Variants in KIF13A observed in about 807,000 individuals in gnomAD.
KIF13A encodes kinesin-like protein KIF13A.
In KIF13A, 79 loss-of-function variants were observed where a neutral mutation model predicts 212.2. The observed-to-expected ratio is 0.37, with a 90% CI of 0.31 to 0.45. The LOEUF (loss-of-function observed/expected upper bound fraction) is 0.45, where lower values mean the gene tolerates loss of function less well. Ranked by LOEUF, KIF13A falls within the 20% of genes least tolerant of loss-of-function variation. The probability of loss-of-function intolerance (pLI) is 1.00; values close to 1 mark genes in which losing one functional copy is unlikely to be tolerated. For synonymous variants in KIF13A, 789 were observed against 808.6 expected (o/e 0.98, Z 0.41); for missense variants, 1,901 against 2,209.0 (o/e 0.86, Z 2.79).
intron 2 of KIF13A, among the ~76,000 whole-genome samples, chr6:17,975,478 G>A (rs12199032): frequency 0.096 from 14,665 of 152,026 alleles, 894 homozygotes; most frequent in East Asian, 0.18. Context: ...AGCGGTGAGC[G>A]TTACAGCTTA....
chr6:17,832,255 G>A (rs140144049), intron 12 of KIF13A, among the ~76,000 whole-genome samples: 149 of 152,214 alleles, frequency 9.8e-4, no homozygotes, highest in African/African-American at 3.2e-3. Context: ...CCGAGAATTA[G>A]TCCTTCCTTT....
chr6:17,953,944 C>T (rs2150575254), intron 2 of KIF13A: 1 of 174,288 alleles, frequency 5.7e-6, no homozygotes, highest in African/African-American at 2.4e-5. Context: ...AAGAAATGAA[C>T]AAATAAAAAA....
intron 3 of KIF13A, chr6:17,882,225 C>T (rs1581626378): frequency 2.7e-6 from 1 of 366,490 alleles, no homozygotes; most frequent in South Asian, 2.0e-5. Context: ...AATAAACTAA[C>T]ACCCACTTGT....
chr6:17,819,504 G>C (rs1397264854), intron 16 of KIF13A, among the ~76,000 whole-genome samples: 2 of 152,086 alleles, frequency 1.3e-5, no homozygotes, highest in Non-Finnish European at 2.9e-5. Context: ...GGAGGTTGTA[G>C]TGAGCTGAGA....
At chr6:17,976,072 T>TA (rs1780419130) in intron 2 of KIF13A, among the ~76,000 whole-genome samples, 1 of 152,262 alleles carries the variant, frequency 6.6e-6, no homozygotes, top group Non-Finnish European at 1.5e-5. Context: ...TTACAGTCCC[T>TA]GAGCTAGACA....
chr6:17,889,399 C>T (rs1019714023), intron 3 of KIF13A, among the ~76,000 whole-genome samples: 3 of 151,978 alleles, frequency 2.0e-5, no homozygotes, highest in African/African-American at 4.8e-5. Context: ...CAAAAAACAC[C>T]GAAAGTGAAT....
chr6:17,900,904 C>A lies in KIF13A; in HGVS notation c.147-2724G>T, dbSNP rs988425766. Among the ~76,000 whole-genome samples the A allele has an allele frequency of 2.6e-5, 4 of 151,854 alleles. No homozygotes were observed. Among genetic ancestry groups the A allele is most frequent in the South Asian group, 2.1e-4 (1 of 4,816 alleles). On this transcript the variant is annotated intron_variant, in intron 2 of 38. Coordinates refer to ENST00000259711, the MANE Select transcript of KIF13A (RefSeq NM_022113.6). This position sits in a 1 kb window ranked among gnomAD's most constrained non-coding sequence, Gnocchi z 4.6. Reference sequence around the variant, plus strand: ...CCATCCTGGTTAACACGGTGAAACCCCGCCTCTACTAAAAATACAAAAAAT... The same window carrying A: ...CCATCCTGGTTAACACGGTGAAACCACGCCTCTACTAAAAATACAAAAAAT...
intron 2 of KIF13A, among the ~76,000 whole-genome samples, chr6:17,904,509 T>C (rs1300070782): frequency 2.0e-5 from 3 of 152,104 alleles, no homozygotes; most frequent in South Asian, 2.1e-4. Flanking sequence ...TAAAGATAAA[T>C]TGGACCTATA....
In KIF13A at chr6:17,983,016, C is replaced by CA. The variant is rs570229938; in HGVS notation, c.146+4037dup. On this transcript the variant is annotated intron_variant, in intron 2 of 38. Coordinates refer to ENST00000259711, the MANE Select transcript of KIF13A (RefSeq NM_022113.6). The stretch of plus-strand genomic sequence containing the variant: ...AAACCCCGTCTCTACTAAAAATACA[C>CA]AAAAAAATTAGCTGGGCGTGGTGGT... 2.7e-3 allele frequency among the ~76,000 whole-genome samples: 406 copies of CA among 151,296 alleles called. 4 individuals are homozygous for CA. Among genetic ancestry groups the CA allele is most frequent in the African/African-American group, 9.2e-3 (379 of 41,280 alleles).
At position 17,872,735 on chromosome 6, in the gene KIF13A, A is replaced by G. The variant is rs1770134987; in HGVS notation, c.220+642T>C. ...ACTGCAACCTCTGCCTCCTGGGCTCAAGGCATTCTCCCGCCTCAGCCTCCC... is the reference window on the plus strand; with the variant it reads ...ACTGCAACCTCTGCCTCCTGGGCTCGAGGCATTCTCCCGCCTCAGCCTCCC... On this transcript the variant is annotated intron_variant, in intron 4 of 38. Transcript: ENST00000259711. The surrounding 1 kb of genome is among the most constrained non-coding windows in gnomAD (Gnocchi z 4.7). Among the ~76,000 whole-genome samples the G allele has an allele frequency of 6.6e-6, 1 of 152,084 alleles. No individual in the cohort carries two copies. Among genetic ancestry groups the G allele is most frequent in the East Asian group, 1.9e-4 (1 of 5,178 alleles).
At chr6:17,879,950 T>G (rs1245660906) in intron 3 of KIF13A, among the ~76,000 whole-genome samples, 2 of 152,198 alleles carry the variant, frequency 1.3e-5, no homozygotes, top group Non-Finnish European at 2.9e-5. Flanking sequence ...AACTGACTAC[T>G]TTGTTTTTTT....
chr6:17,822,824 C>T (rs375269189), intron 16 of KIF13A, among the ~76,000 whole-genome samples: 1 of 152,150 alleles, frequency 6.6e-6, no homozygotes, highest in South Asian at 2.1e-4. Flanking sequence ...GATGTCTGAA[C>T]GTCACTTCGA....
chr6:17,972,835 A>G (rs1006114896), intron 2 of KIF13A, among the ~76,000 whole-genome samples: 5,245 of 21,290 alleles, frequency 0.25, 111 homozygotes, highest in African/African-American at 0.3. Flanking sequence ...GAGAGTGAGA[A>G]AAAAAAAAAA....
intron 9 of KIF13A, among the ~76,000 whole-genome samples, chr6:17,841,999 ACGTG>A (rs763076394): frequency 0.019 from 2,063 of 108,784 alleles, 24 homozygotes; most frequent in Middle Eastern, 0.061. Flanking sequence ...ATATACACAT[ACGTG>A]TGTGTGTGTG....
At chr6:17,962,761 C>T (rs548105428) in intron 2 of KIF13A, among the ~76,000 whole-genome samples, 13 of 152,306 alleles carry the variant, frequency 8.5e-5, no homozygotes, top group Middle Eastern at 3.4e-3. Context: ...TTCCTCTGAG[C>T]TTCCATACAT....
chr6:17,822,491 C>T (rs190270333), intron 16 of KIF13A, among the ~76,000 whole-genome samples: 15 of 152,294 alleles, frequency 9.8e-5, no homozygotes, highest in Admixed American at 5.9e-4. Context: ...TTAACAAATG[C>T]TTACTGAATA....
intron 2 of KIF13A, chr6:17,953,764 C>T (rs1778090594): frequency 5.2e-6 from 1 of 192,344 alleles, no homozygotes; most frequent in South Asian, 1.0e-4. Context: ...AATACCAAAT[C>T]AACCTAATTA....
At position 17,764,924 on chromosome 6, in the gene KIF13A, T is replaced by C. The variant is rs1305323943; in HGVS notation, c.4604A>G (p.Glu1535Gly). Residue 1535 changes from glutamate (E) to glycine (G), a missense_variant, in exon 39 of 39, where the codon GAG (glutamate) becomes GGG (glycine). Physicochemically the swap from Glu to Gly is moderately conservative, Grantham distance 98 (BLOSUM62 -2). Around this residue, in one of 5 missense-constraint regions of KIF13A, gnomAD observed 687 missense variants for 759.1 expected, o/e 0.90. Transcript: ENST00000259711. This position sits in a 1 kb window ranked among gnomAD's most constrained non-coding sequence, Gnocchi z 5.1. ...TAGCTTCCTGTTAATAGCTTCCAGCTCATTTTCTTCCTCCTCAGAGTCCTA... is the reference window on the plus strand; with the variant it reads ...TAGCTTCCTGTTAATAGCTTCCAGCCCATTTTCTTCCTCCTCAGAGTCCTA... The part of the protein sequence containing the change: ...KKIDSEEEEN[E>G]LEAINRKLIS... 3 of 1,610,834 alleles carry C rather than the reference T, an allele frequency of 1.9e-6. No homozygotes were observed. The African/African-American group carries it at 4.0e-5, about 22-fold the overall frequency.
chr6:17,897,001 C>G lies in KIF13A; in HGVS notation c.159+1167G>C, dbSNP rs1398776068. Among the ~76,000 whole-genome samples the G allele has an allele frequency of 6.6e-6, 1 of 152,154 alleles. No individual in the cohort carries two copies. Among genetic ancestry groups the G allele is most frequent in the African/African-American group, 2.4e-5 (1 of 41,434 alleles). On this transcript the variant is annotated intron_variant, in intron 3 of 38. Transcript: ENST00000259711. The surrounding 1 kb of genome is among the most constrained non-coding windows in gnomAD (Gnocchi z 4.8). ...GTCGACAATTGCTCGGGGAGAATCT[C>G]CTGATTCCCTAGATTTGTCCAGAAT...
Sources: allele counts gnomAD v4.1 joint callset (sites outside exome capture counted in the v4.1 genomes callset), GRCh38; gene constraint gnomAD v4.1.1; regional missense constraint gnomAD v4.1.1; non-coding constraint Gnocchi (gnomAD v3.1); transcripts MANE v1.5; gene names NCBI Gene and HGNC (gene_info 2026-07-23, HGNC 2026-07-21).